The following OR1J2 variants were observed in gnomAD, a reference collection of about 807,000 sequenced individuals.
OR1J2 encodes the protein olfactory receptor family 1 subfamily J member 2.
For missense variants in OR1J2, 304 were observed against 246.1 expected, an observed-to-expected ratio of 1.24 and a Z score of -1.57; for synonymous variants, 142 against 99.7, an observed-to-expected ratio of 1.42 and a Z score of -2.52.
chr9:122,566,829 A>T, the OR1J2 span, among the ~76,000 whole-genome samples: 1 of 152,202 alleles, frequency 6.6e-6, no homozygotes, highest in African/African-American at 2.4e-5. Flanking sequence ...CACATAGTTT[A>T]TGGGAAGGTG....
chr9:122,495,477 T>C, the OR1J2 span, among the ~76,000 whole-genome samples: 3 of 152,100 alleles, frequency 2.0e-5, no homozygotes, highest in African/African-American at 7.2e-5. Context: ...TTTGATTCTA[T>C]TGTTGAGACT....
At chr9:122,519,259 TG>T in the OR1J2 span, 1 of 1,614,016 alleles carries the variant, frequency 6.2e-7, no homozygotes, top group Non-Finnish European at 8.5e-7. Flanking sequence ...ATCACGGTGC[TG>T]GGGAACCTGC....
chr9:122,463,192 T>C, the OR1J2 span, among the ~76,000 whole-genome samples: 1 of 152,252 alleles, frequency 6.6e-6, no homozygotes, highest in Non-Finnish European at 1.5e-5. Flanking sequence ...TGATTTTCTT[T>C]CTTCTACTTA....
At chr9:122,496,563 C>T in the OR1J2 span, among the ~76,000 whole-genome samples, 1 of 152,132 alleles carries the variant, frequency 6.6e-6, no homozygotes. Context: ...GGACATGTGC[C>T]TGAGACACAG....
At chr9:122,569,099 T>C in the OR1J2 span, among the ~76,000 whole-genome samples, 1 of 152,252 alleles carries the variant, frequency 6.6e-6, no homozygotes, top group East Asian at 1.9e-4. Flanking sequence ...AGGGCAAATC[T>C]AAGACGACTG....
At chr9:122,578,555 G>T in the OR1J2 span, 2 of 151,856 alleles carry the variant, frequency 1.3e-5, no homozygotes, top group Non-Finnish European at 2.9e-5. Context: ...CAGCCCAAGT[G>T]CCCCTCAATC....
the OR1J2 span, among the ~76,000 whole-genome samples, chr9:122,481,457 G>A: frequency 2.0e-5 from 3 of 151,250 alleles, no homozygotes; most frequent in Admixed American, 6.6e-5. Flanking sequence ...CTAGTATTCC[G>A]GACACATAGA....
the OR1J2 span, among the ~76,000 whole-genome samples, chr9:122,547,988 C>T: frequency 2.6e-5 from 4 of 152,188 alleles, no homozygotes; most frequent in Middle Eastern, 3.4e-3. Context: ...CCATTCTGAC[C>T]GGTGCAAGAT....
At chr9:122,452,832 C>CA in the OR1J2 span, among the ~76,000 whole-genome samples, 725 of 152,112 alleles carry the variant, frequency 4.8e-3, 5 homozygotes, top group African/African-American at 0.017. Context: ...AGTTCAAGAC[C>CA]AGCCTGACCA....
chr9:122,568,058 G>T, the OR1J2 span: 4 of 1,614,022 alleles, frequency 2.5e-6, no homozygotes, highest in Non-Finnish European at 3.4e-6. Flanking sequence ...GGACACAGTG[G>T]TGGTGGCTCA....
chr9:122,530,503 C>A, the OR1J2 span, among the ~76,000 whole-genome samples: 1 of 152,284 alleles, frequency 6.6e-6, no homozygotes, highest in Non-Finnish European at 1.5e-5. Flanking sequence ...TTTCTCTCTG[C>A]TTTTCTTAGA....
At chr9:122,454,185 A>G in the OR1J2 span, among the ~76,000 whole-genome samples, 1 of 152,214 alleles carries the variant, frequency 6.6e-6, no homozygotes, top group East Asian at 1.9e-4. Flanking sequence ...TGAGAGAAAC[A>G]GCTAAGAATA....
rs747469984 is a variant in OR1J2 at position 122,511,518 on chromosome 9, C to G, written c.717C>G (p.Ser239=). 7.7e-6 allele frequency: 6 copies of G among 780,912 alleles called. No individual in the cohort carries two copies. The East Asian group carries it at 9.7e-5, about 13-fold the overall frequency. 48.4% of individuals were successfully genotyped at this position (780,912 alleles called of 1,614,324 possible). The change falls in exon 1 of 1, where the codon TCC becomes TCG. Residue 239 remains serine, a synonymous_variant. Transcript: ENST00000335302. ...PSTKGIHKAL[S]TCGSHLSVVS... ...CCAAAGGGATCCACAAAGCATTGTC[C>G]ACATGTGGCTCCCATCTCTCTGTGG... is the stretch of plus-strand genomic sequence containing the variant.
At chr9:122,503,332 C>G in the OR1J2 span, among the ~76,000 whole-genome samples, 1 of 152,166 alleles carries the variant, frequency 6.6e-6, no homozygotes, top group Non-Finnish European at 1.5e-5. Context: ...ACCATTTGGT[C>G]CCCCAGAAGA....
chr9:122,576,638 T>G, the OR1J2 span: 2 of 152,218 alleles, frequency 1.3e-5, no homozygotes, highest in African/African-American at 4.8e-5. Flanking sequence ...CAGGTAGAAC[T>G]CTGGGAGGTA....
the OR1J2 span, among the ~76,000 whole-genome samples, chr9:122,484,964 G>A: frequency 1.3e-5 from 2 of 152,152 alleles, no homozygotes; most frequent in Non-Finnish European, 2.9e-5. Flanking sequence ...AGCTCGGGAG[G>A]TCGAGGCTGT....
the OR1J2 span, among the ~76,000 whole-genome samples, chr9:122,480,185 C>T: frequency 1.3e-5 from 2 of 151,582 alleles, no homozygotes; most frequent in Non-Finnish European, 2.9e-5. Context: ...GTGATTAAAA[C>T]AAATAAATAT....
the OR1J2 span, among the ~76,000 whole-genome samples, chr9:122,497,556 CT>C: frequency 8.6e-5 from 13 of 151,900 alleles, no homozygotes; most frequent in Non-Finnish European, 1.3e-4. Context: ...TGGATCTTCT[CT>C]TTTTTTTGTT....
At chr9:122,477,217 G>T in the OR1J2 span, 11 of 1,614,006 alleles carry the variant, frequency 6.8e-6, no homozygotes, top group Non-Finnish European at 8.5e-6. Context: ...AGTGGACAAG[G>T]CTTTGCATAT....
Sources: gnomAD v4.1 joint callset for allele counts (sites outside exome capture counted in the v4.1 genomes callset) on GRCh38, gnomAD v4.1.1 for gene constraint, MANE v1.5 for transcripts, NCBI Gene and HGNC (gene_info 2026-07-23, HGNC 2026-07-21) for gene names.